Variants in SMARCC1 observed in about 807,000 individuals in gnomAD.
SMARCC1 encodes the protein SWI/SNF related BAF chromatin remodeling complex subunit C1.
SMARCC1 carries 43 observed loss-of-function variants against 147.4 expected under a neutral mutation model. That is an observed-to-expected ratio of 0.29 (90% CI 0.23 to 0.38). The LOEUF is 0.38. SMARCC1 is among the 10% of genes least tolerant of loss of function. The pLI is 1.00. For missense variants in SMARCC1, 1,119 were observed against 1,381.1 expected (o/e 0.81, Z 3.01); for synonymous variants, 495 against 484.4 (o/e 1.02, Z -0.29).
intron 25 of SMARCC1, among the ~76,000 whole-genome samples, chr3:47,613,901 C>T (rs1457926775): frequency 1.3e-5 from 2 of 151,442 alleles, no homozygotes; most frequent in African/African-American, 4.9e-5. Flanking sequence ...AACACCAAGA[C>T]ACCAAACGCA....
At chr3:47,709,014 AT>A (rs746228804) in intron 9 of SMARCC1, among the ~76,000 whole-genome samples, 1 of 152,308 alleles carries the variant, frequency 6.6e-6, no homozygotes, top group African/African-American at 2.4e-5. Flanking sequence ...TAATCCCAGC[AT>A]TTTGGGAAGC....
intron 5 of SMARCC1, among the ~76,000 whole-genome samples, chr3:47,732,557 C>T (rs997166517): frequency 6.6e-6 from 1 of 152,166 alleles, no homozygotes; most frequent in Admixed American, 6.5e-5. Context: ...GAGAGATAAG[C>T]AACTCTTCCT....
At chr3:47,609,537 G>T (rs1315814911) in intron 26 of SMARCC1, among the ~76,000 whole-genome samples, 2 of 151,886 alleles carry the variant, frequency 1.3e-5, no homozygotes, top group African/African-American at 4.8e-5. Flanking sequence ...AGATACATTT[G>T]AAGTCTATCT....
In SMARCC1 at chr3:47,710,801, A is replaced by C. The variant is rs1245190806; in HGVS notation, c.800T>G (p.Val267Gly). 6.2e-7 allele frequency: 1 copy of C among 1,610,636 alleles called. No individual in the cohort carries two copies. The highest frequency in any genetic ancestry group is 1.7e-5 in the Admixed American group (1 of 59,560). ...PIPEKPWKVH[V>G]KWILDTDIFN... is the part of the protein sequence containing the mutation. Reference sequence around the variant, plus strand: ...AATATCAGTGTCCAAAATCCATTTCACATGAACCTAAAACCATATCAAAGC... The same window carrying C: ...AATATCAGTGTCCAAAATCCATTTCCCATGAACCTAAAACCATATCAAAGC... Residue 267 changes from valine (V) to glycine (G), a missense_variant, in exon 9 of 28, where the codon GTG becomes GGG. Transcript: ENST00000254480.
chr3:47,781,358 C>A (rs962938325), intron 1 of SMARCC1, among the ~76,000 whole-genome samples: 1 of 152,214 alleles, frequency 6.6e-6, no homozygotes, highest in Admixed American at 6.5e-5. Context: ...TGCTCTGGCA[C>A]ACGAGACTGA....
At chr3:47,712,857 T>C (rs1471629433) in intron 8 of SMARCC1, among the ~76,000 whole-genome samples, 2 of 152,142 alleles carry the variant, frequency 1.3e-5, no homozygotes, top group African/African-American at 2.4e-5. Context: ...TGTGATACCA[T>C]AGTTAAGTAA....
At chr3:47,776,864 T>A (rs1185729423) in intron 1 of SMARCC1, among the ~76,000 whole-genome samples, 2 of 151,916 alleles carry the variant, frequency 1.3e-5, no homozygotes. Context: ...AACCTCCGCC[T>A]CCCGGGTTCA....
rs946976722 is a variant in SMARCC1, at chr3:47,671,630, C to T, written c.1840-913G>A. 2.0e-5 allele frequency among the ~76,000 whole-genome samples: 3 copies of T among 152,266 alleles called. No homozygotes were observed. The East Asian group carries it at 5.8e-4, about 29-fold the overall frequency. On this transcript the variant is annotated intron_variant, in intron 18 of 27. Coordinates refer to ENST00000254480, the MANE Select transcript of SMARCC1 (RefSeq NM_003074.4). The stretch of plus-strand genomic sequence containing the variant: ...GAAGTGAGACTGGCTTGTGTAAAAA[C>T]TAAAATTTAATTGATTAATTCATAC...
chr3:47,633,784 A>ACACC, intron 24 of SMARCC1, among the ~76,000 whole-genome samples: 1 of 34,538 alleles, frequency 2.9e-5, no homozygotes, highest in Admixed American at 3.4e-4. Flanking sequence ...ATATATACAC[A>ACACC]CACACACACA....
At chr3:47,737,932 G>A in intron 4 of SMARCC1, 97 bp downstream of exon 4, 1 of 714,388 alleles carries the variant, frequency 1.4e-6, no homozygotes, top group Non-Finnish European at 2.3e-6. Context: ...CAAAGTGCTG[G>A]GATTACAGGC....
At chr3:47,778,343 C>G (rs558158577) in intron 1 of SMARCC1, among the ~76,000 whole-genome samples, 3 of 151,554 alleles carry the variant, frequency 2.0e-5, no homozygotes, top group Non-Finnish European at 4.4e-5. Context: ...AGGTCTCGCT[C>G]TGTTGCCCAG....
intron 10 of SMARCC1, 65 bp from the exon 11 acceptor site, chr3:47,701,467 C>T (rs1185061200): frequency 2.8e-6 from 4 of 1,441,310 alleles, no homozygotes; most frequent in African/African-American, 1.4e-5. Context: ...CAAACAGTTT[C>T]TGAGGTTGTA....
chr3:47,588,556 C>T (rs986572805), intron 27 of SMARCC1, among the ~76,000 whole-genome samples: 3 of 152,078 alleles, frequency 2.0e-5, no homozygotes, highest in Non-Finnish European at 2.9e-5. Flanking sequence ...CCCCACCCTC[C>T]TTCCAGGCCA....
intron 27 of SMARCC1, among the ~76,000 whole-genome samples, chr3:47,588,589 G>A (rs759620032): frequency 1.3e-5 from 2 of 151,984 alleles, no homozygotes; most frequent in Non-Finnish European, 2.9e-5. Flanking sequence ...AATCGCTCCA[G>A]GCCCTTTCAG....
At chr3:47,653,765 C>T (rs1052353817) in intron 21 of SMARCC1, among the ~76,000 whole-genome samples, 1 of 152,040 alleles carries the variant, frequency 6.6e-6, no homozygotes, top group African/African-American at 2.4e-5. Context: ...TTTTCCTTAC[C>T]CTTATTATAA....
chr3:47,610,226 C>G lies in SMARCC1; in HGVS notation c.2883G>C (p.Gln961His), dbSNP rs1344537106. 1 of 1,614,208 alleles carries G rather than the reference C, an allele frequency of 6.2e-7. No homozygotes were observed. ...CCTGTTGAGGGTTCTGGCCATGCTG[C>G]TGCTGTTCCATTTGCTGTCGTGCTC... Reference protein sequence around the residue: ...ELRARQQMEQQQHGQNPQQAH... With the variant: ...ELRARQQMEQHQHGQNPQQAH... The change falls in exon 26 of 28, where the codon CAG (glutamine) becomes CAC (histidine). Residue 961 changes from glutamine to histidine, a missense_variant. Physicochemically the swap from Gln to His is conservative, Grantham distance 24 (BLOSUM62 0). Coordinates refer to ENST00000254480, the MANE Select transcript of SMARCC1 (RefSeq NM_003074.4).
intron 9 of SMARCC1, among the ~76,000 whole-genome samples, chr3:47,708,627 G>C (rs75452095): frequency 0.045 from 6,783 of 152,034 alleles, 509 homozygotes; most frequent in African/African-American, 0.15. Context: ...AAATATGTAA[G>C]TATATCTTCT....
At chr3:47,759,477 C>T (rs1374033957) in intron 2 of SMARCC1, among the ~76,000 whole-genome samples, 4 of 148,688 alleles carry the variant, frequency 2.7e-5, no homozygotes, top group Non-Finnish European at 4.5e-5. Flanking sequence ...AAAAATTAGC[C>T]GAGCATGGTG....
intron 6 of SMARCC1, among the ~76,000 whole-genome samples, chr3:47,727,140 G>C (rs546275040): frequency 6.6e-6 from 1 of 152,088 alleles, no homozygotes; most frequent in East Asian, 1.9e-4. Flanking sequence ...TTGAACCCAG[G>C]AGGCGGAGGC....
Sources: allele counts gnomAD v4.1 joint callset (sites outside exome capture counted in the v4.1 genomes callset), GRCh38; gene constraint gnomAD v4.1.1; transcripts MANE v1.5; gene names NCBI Gene and HGNC (gene_info 2026-07-23, HGNC 2026-07-21).